Variants in DCC observed in about 807,000 individuals in gnomAD.
DCC encodes the protein DCC netrin 1 receptor, also known as netrin receptor DCC.
DCC carries 58 observed loss-of-function variants against 172.5 expected under a neutral mutation model. The observed-to-expected ratio is 0.34, with a 90% CI of 0.27 to 0.42. The LOEUF (loss-of-function observed/expected upper bound fraction) is 0.42. DCC is among the 10% of genes least tolerant of loss of function. The probability of loss-of-function intolerance (pLI) is 1.00; values close to 1 mark genes in which losing one functional copy is unlikely to be tolerated. For missense variants in DCC, 1,740 were observed against 1,791.0 expected, an observed-to-expected ratio of 0.97 and a Z score of 0.51; for synonymous variants, 709 against 644.5, an observed-to-expected ratio of 1.10 and a Z score of -1.52.
In DCC at chr18:53,276,082, A is replaced by G. The variant is rs543511575; in HGVS notation, c.1912-29496A>G. Among the ~76,000 whole-genome samples, 8 of 152,296 alleles carry G rather than the reference A, an allele frequency of 5.3e-5. No homozygotes were observed. The East Asian group carries it at 1.3e-3, about 26-fold the overall frequency. ...GCATTTATTGGCACTTTAATAAAAA[A>G]TTAGAATATGTTTGCTAGGATAGTT... is the stretch of plus-strand genomic sequence containing the variant. On this transcript the variant is annotated intron_variant, in intron 12 of 28. Coordinates refer to ENST00000442544, the MANE Select transcript of DCC (RefSeq NM_005215.4).
At chr18:53,250,222 A>G (rs2056413291) in intron 12 of DCC, among the ~76,000 whole-genome samples, 1 of 152,006 alleles carries the variant, frequency 6.6e-6, no homozygotes, top group South Asian at 2.1e-4. Flanking sequence ...AATTTCTTAA[A>G]GGTGAAATAT....
At chr18:53,386,220 A>G in intron 16 of DCC, 82 bp downstream of exon 16, 1 of 898,016 alleles carries the variant, frequency 1.1e-6, no homozygotes, top group Admixed American at 1.8e-5. Flanking sequence ...AAATACAAAG[A>G]AACAAAAATG....
intron 5 of DCC, among the ~76,000 whole-genome samples, chr18:52,954,549 C>T (rs539150024): frequency 9.9e-5 from 15 of 152,192 alleles, no homozygotes; most frequent in African/African-American, 3.6e-4. Flanking sequence ...TAGGAATACC[C>T]TCAGAGAAGC....
At chr18:52,547,398 C>G (rs1389804800) in intron 1 of DCC, among the ~76,000 whole-genome samples, 1 of 152,028 alleles carries the variant, frequency 6.6e-6, no homozygotes, top group Non-Finnish European at 1.5e-5. Context: ...AATTTTAGTC[C>G]ACTCATTCCA....
intron 5 of DCC, among the ~76,000 whole-genome samples, chr18:52,950,716 A>G (rs947188190): frequency 3.3e-5 from 5 of 151,802 alleles, no homozygotes; most frequent in Non-Finnish European, 7.4e-5. Context: ...CGAGGTCAGG[A>G]GATCGAGACC....
chr18:52,774,907 A>G (rs1424550312), intron 2 of DCC, among the ~76,000 whole-genome samples: 2 of 152,192 alleles, frequency 1.3e-5, no homozygotes, highest in African/African-American at 4.8e-5. Context: ...TGTAGCCTGT[A>G]CCAAAACTCT....
chr18:52,778,643 T>A (rs2037477740), intron 2 of DCC, among the ~76,000 whole-genome samples: 1 of 152,232 alleles, frequency 6.6e-6, no homozygotes, highest in African/African-American at 2.4e-5. Flanking sequence ...TTGATAATTT[T>A]GAGAGGCATA....
At chr18:52,350,671 A>C (rs1278301542) in intron 1 of DCC, among the ~76,000 whole-genome samples, 5 of 152,242 alleles carry the variant, frequency 3.3e-5, no homozygotes, top group Admixed American at 1.3e-4. Flanking sequence ...AATTTAAAAA[A>C]CTCATAATAT....
intron 14 of DCC, among the ~76,000 whole-genome samples, chr18:53,338,534 G>A (rs1219045707): frequency 6.6e-6 from 1 of 152,202 alleles, no homozygotes; most frequent in Non-Finnish European, 1.5e-5. Context: ...CCAGGAGGCG[G>A]AGGTTGCAGT....
intron 21 of DCC, among the ~76,000 whole-genome samples, chr18:53,425,361 T>TTTGTTTTTTG (rs1259566677): frequency 5.7e-5 from 7 of 121,968 alleles, no homozygotes; most frequent in East Asian, 2.2e-4. Flanking sequence ...TCCTCTCTTT[T>TTTGTTTTTTG]TTTTTTTTTT....
intron 25 of DCC, among the ~76,000 whole-genome samples, chr18:53,470,361 T>C (rs1358596177): frequency 3.9e-5 from 6 of 152,146 alleles, no homozygotes; most frequent in Non-Finnish European, 8.8e-5. Context: ...TCCATATCAC[T>C]ACAAGCATTT....
chr18:52,640,283 C>T (rs140425876), intron 1 of DCC, among the ~76,000 whole-genome samples: 1 of 152,142 alleles, frequency 6.6e-6, no homozygotes, highest in African/African-American at 2.4e-5. Context: ...GAAAGCATTC[C>T]CTCTGAGAAC....
intron 2 of DCC, among the ~76,000 whole-genome samples, chr18:52,759,332 T>C (rs1472589944): frequency 6.6e-6 from 1 of 152,202 alleles, no homozygotes; most frequent in Non-Finnish European, 1.5e-5. Context: ...TGAAAAGACA[T>C]CTTCTACATT....
chr18:53,205,507 T>G (rs2055611322), intron 10 of DCC, 143 bp downstream of exon 10: 1 of 825,538 alleles, frequency 1.2e-6, no homozygotes, highest in African/African-American at 1.7e-5. Flanking sequence ...AGCTGATTAG[T>G]TTTAAAGCAC....
rs145054804 is a variant in DCC at position 53,149,768 on chromosome 18, A to G, written c.1262-7588A>G. Among the ~76,000 whole-genome samples, 231 of 152,312 alleles carry G rather than the reference A, an allele frequency of 1.5e-3. 2 individuals are homozygous for G. Among genetic ancestry groups the G allele is most frequent in the African/African-American group, 4.9e-3 (203 of 41,572 alleles). Reference sequence around the variant, plus strand: ...GAAAAGAGCTCAAACTCTGAGAGCTATAGTTATCGTTGCTGAGATGAAAAT... The same window carrying G: ...GAAAAGAGCTCAAACTCTGAGAGCTGTAGTTATCGTTGCTGAGATGAAAAT... On this transcript the variant is annotated intron_variant, in intron 7 of 28. Coordinates refer to ENST00000442544, the MANE Select transcript of DCC (RefSeq NM_005215.4).
At chr18:53,431,425 C>T (rs1911603871) in intron 21 of DCC, among the ~76,000 whole-genome samples, 1 of 151,522 alleles carries the variant, frequency 6.6e-6, no homozygotes, top group African/African-American at 2.4e-5. Context: ...ATACAGAATT[C>T]TTCTTTATAT....
At chr18:53,235,202 TTTA>T in intron 12 of DCC, among the ~76,000 whole-genome samples, 1 of 152,320 alleles carries the variant, frequency 6.6e-6, no homozygotes, top group Non-Finnish European at 1.5e-5. Context: ...ATTGCTATTT[TTTA>T]TTTAGTTACC....
At chr18:52,463,758 G>T (rs1456044809) in intron 1 of DCC, among the ~76,000 whole-genome samples, 1 of 152,150 alleles carries the variant, frequency 6.6e-6, no homozygotes, top group Non-Finnish European at 1.5e-5. Flanking sequence ...AAAAACAGAG[G>T]AAGGACAGAT....
intron 11 of DCC, among the ~76,000 whole-genome samples, chr18:53,215,265 TAAATG>T (rs1288039091): frequency 6.6e-6 from 1 of 152,120 alleles, no homozygotes; most frequent in East Asian, 1.9e-4. Context: ...GGGCTGTAAT[TAAATG>T]GTGGTGTTTG....
Sources: gnomAD v4.1 joint callset for allele counts (sites outside exome capture counted in the v4.1 genomes callset) on GRCh38, gnomAD v4.1.1 for gene constraint, MANE v1.5 for transcripts, NCBI Gene and HGNC (gene_info 2026-07-23, HGNC 2026-07-21) for gene names.